The following SCN1A variants were observed in gnomAD, a reference collection of about 807,000 sequenced individuals.
SCN1A encodes sodium voltage-gated channel alpha subunit 1.
In SCN1A, 13 loss-of-function variants were observed where a neutral mutation model predicts 193.7. The observed-to-expected ratio is 0.07, with a 90% CI of 0.04 to 0.11. The LOEUF is 0.11. Ranked by LOEUF, SCN1A falls within the 10% of genes least tolerant of loss-of-function variation. The pLI, the probability that SCN1A is intolerant of heterozygous loss-of-function variation, is 1.00. For synonymous variants in SCN1A, 781 were observed against 843.6 expected (o/e 0.93, Z 1.29); for missense variants, 1,432 against 2,451.1 (o/e 0.58, Z 8.78).
intron 1 of SCN1A, among the ~76,000 whole-genome samples, chr2:166,148,320 G>A (rs1298231951): frequency 1.3e-5 from 2 of 152,128 alleles, no homozygotes; most frequent in East Asian, 1.9e-4. Context: ...ATTCAATAAA[G>A]AGCCTGCTAT....
intron 2 of SCN1A, among the ~76,000 whole-genome samples, chr2:166,112,572 T>G (rs596139): frequency 6.6e-6 from 1 of 152,138 alleles, no homozygotes. Context: ...TGGTCTTAGT[T>G]CTTGCTGCCT....
chr2:166,106,680 C>G (rs1168718088), intron 2 of SCN1A, among the ~76,000 whole-genome samples: 1 of 152,116 alleles, frequency 6.6e-6, no homozygotes, highest in Admixed American at 6.5e-5. Context: ...CAACAGACTG[C>G]CCCATCTGGG....
intron 19 of SCN1A, among the ~76,000 whole-genome samples, chr2:166,018,406 T>C (rs1398655501): frequency 6.6e-6 from 1 of 152,054 alleles, no homozygotes; most frequent in Non-Finnish European, 1.5e-5. Flanking sequence ...ATGTTACTTT[T>C]TGACACATTT....
Position 166,145,535 on chromosome 2 carries a change from T to TGC in SCN1A, c.-50+3511_-50+3512insGC, listed in dbSNP as rs1381289241. The stretch of plus-strand genomic sequence containing the variant: ...TAACTGTTGGAGAAAAATTTGTGTG[T>TGC]GTGTGTGTGTGTAGGCGCACATGCA... On this transcript the variant is annotated intron_variant, in intron 1 of 26. Transcript: ENST00000635750. Among the ~76,000 whole-genome samples, 4 of 151,584 alleles carry TGC rather than the reference T, an allele frequency of 2.6e-5. No homozygotes were observed. The East Asian group carries it at 7.8e-4, about 29-fold the overall frequency.
chr2:165,992,116 A>G lies in SCN1A; in HGVS notation c.5159T>C (p.Ile1720Thr). The part of the protein sequence containing the change: ...FGNSMICLFQ[I>T]TTSAGWDGLL... ...TCCATCCCAGCCAGCAGAGGTTGTA[A>G]TTTGGAATAGGCAGATCATGCTGTT... is the stretch of plus-strand genomic sequence containing the variant. The change falls in exon 29 of 29, where the codon ATT (isoleucine) becomes ACT (threonine). Residue 1720 changes from isoleucine to threonine, a missense_variant. Ile to Thr is a moderately conservative substitution (Grantham distance 89, BLOSUM62 -1). This residue lies in a region of SCN1A where 85 missense variants were observed against 213.2 expected (regional missense o/e 0.40). Coordinates refer to ENST00000674923, the MANE Select transcript of SCN1A (RefSeq NM_001165963.4). This position sits in a 1 kb window ranked among gnomAD's most constrained non-coding sequence, Gnocchi z 6.5. 6.2e-7 allele frequency: 1 copy of G among 1,613,910 alleles called. No individual in the cohort carries two copies. The highest frequency in any genetic ancestry group is 8.5e-7 in the Non-Finnish European group (1 of 1,179,922).
At chr2:166,056,127 T>C (rs1461963084) in intron 6 of SCN1A, among the ~76,000 whole-genome samples, 1 of 152,042 alleles carries the variant, frequency 6.6e-6, no homozygotes, top group African/African-American at 2.4e-5. Flanking sequence ...TTTCTGCAAT[T>C]GCTTTGACCA....
intron 2 of SCN1A, among the ~76,000 whole-genome samples, chr2:166,092,883 C>T (rs575894797): frequency 1.3e-5 from 2 of 152,060 alleles, no homozygotes; most frequent in African/African-American, 4.8e-5. Flanking sequence ...TAGGTGCCAA[C>T]TCAGCCCTCA....
At position 165,992,447 on chromosome 2, in the gene SCN1A, A is replaced by T. The variant is rs750419784; in HGVS notation, c.4853-25T>A. The T allele has an allele frequency of 8.7e-6, 14 of 1,612,004 alleles. No individual in the cohort carries two copies. In the East Asian group the frequency reaches 3.1e-4, roughly 36 times the overall value. On this transcript the variant is annotated intron_variant, in intron 28 of 28. Transcript: ENST00000674923. The surrounding 1 kb of genome is among the most constrained non-coding windows in gnomAD (Gnocchi z 6.5). ...CCTATGAATAAACAATGAGAATACCAACCAGTGAAGAAATCATGCGTTAAA... is the reference window on the plus strand; with the variant it reads ...CCTATGAATAAACAATGAGAATACCTACCAGTGAAGAAATCATGCGTTAAA...
intron 23 of SCN1A, chr2:166,009,456 A>T: frequency 7.9e-6 from 2 of 251,988 alleles, no homozygotes; most frequent in Non-Finnish European, 7.8e-6. Flanking sequence ...TTGTATATAG[A>T]TTTGTAAGGA....
At chr2:166,008,277 C>A (rs1297837874) in intron 23 of SCN1A, among the ~76,000 whole-genome samples, 2 of 150,998 alleles carry the variant, frequency 1.3e-5, no homozygotes, top group Admixed American at 6.6e-5. Flanking sequence ...AGCACTTGAC[C>A]AATGAATTTA....
chr2:166,026,204 T>G (rs1265561832), intron 19 of SCN1A, among the ~76,000 whole-genome samples: 1 of 152,168 alleles, frequency 6.6e-6, no homozygotes, highest in East Asian at 1.9e-4. Context: ...TTGCTATTAA[T>G]ATTATCCAAA....
At chr2:166,019,315 T>A (rs1693710399) in intron 19 of SCN1A, among the ~76,000 whole-genome samples, 1 of 152,208 alleles carries the variant, frequency 6.6e-6, no homozygotes, top group South Asian at 2.1e-4. Context: ...TCTACATGTT[T>A]ACAAATTAAT....
At chr2:166,116,377 C>A (rs989875516) in intron 2 of SCN1A, among the ~76,000 whole-genome samples, 3 of 152,158 alleles carry the variant, frequency 2.0e-5, no homozygotes, top group Non-Finnish European at 4.4e-5. Context: ...AATTTTTACT[C>A]ACTTTATACA....
chr2:165,999,841 AT>A (rs1690594308), intron 24 of SCN1A, 65 bp from the exon 25 acceptor site: 1 of 1,104,274 alleles, frequency 9.1e-7, no homozygotes, highest in Admixed American at 1.7e-5. Context: ...TGTTTAATAA[AT>A]ATTCTTACTG....
chr2:166,022,389 G>C (rs1049915338), intron 19 of SCN1A, among the ~76,000 whole-genome samples: 8 of 149,426 alleles, frequency 5.4e-5, no homozygotes, highest in Non-Finnish European at 1.2e-4. Flanking sequence ...GTAACTAGGT[G>C]GGGGGCGGGG....
intron 22 of SCN1A, 103 bp from the exon 23 acceptor site, chr2:166,009,944 G>A: frequency 3.6e-6 from 4 of 1,107,716 alleles, no homozygotes; most frequent in African/African-American, 1.6e-5. Flanking sequence ...ATTATTCAGA[G>A]GATAAATGTT....
intron 23 of SCN1A, among the ~76,000 whole-genome samples, chr2:166,003,553 T>C (rs1691238806): frequency 6.6e-6 from 1 of 151,422 alleles, no homozygotes; most frequent in African/African-American, 2.4e-5. Flanking sequence ...AAGGATGTTT[T>C]CCCCCTCTTT....
chr2:166,123,223 CAAAAAA>C (rs57488795), intron 2 of SCN1A, among the ~76,000 whole-genome samples: 1 of 116,416 alleles, frequency 8.6e-6, no homozygotes, highest in African/African-American at 3.5e-5. Context: ...CATTCATTTG[CAAAAAA>C]AAAAAAAAAA....
Position 165,992,345 on chromosome 2 carries a change from C to A in SCN1A, c.4930G>T (p.Gly1644Cys), listed in dbSNP as rs1559105762. The change falls in exon 29 of 29, where the codon GGC becomes TGC. Residue 1644 changes from glycine to cysteine, a missense_variant. Physicochemically the swap from Gly to Cys is radical, Grantham distance 159. Coordinates refer to ENST00000674923, the MANE Select transcript of SCN1A (RefSeq NM_001165963.4). This position sits in a 1 kb window ranked among gnomAD's most constrained non-coding sequence, Gnocchi z 6.5. ...LFRVIRLARI[G>C]RILRLIKGAK... ...CCTTTGATCAGACGTAGGATTCGGC[C>A]AATCCTAGCAAGACGGATCACTCGG... 6.2e-7 allele frequency: 1 copy of A among 1,613,678 alleles called. No homozygotes were observed. The highest frequency in any genetic ancestry group is 8.5e-7 in the Non-Finnish European group (1 of 1,179,814).
Sources: allele counts gnomAD v4.1 joint callset (sites outside exome capture counted in the v4.1 genomes callset), GRCh38; gene constraint gnomAD v4.1.1; regional missense constraint gnomAD v4.1.1; non-coding constraint Gnocchi (gnomAD v3.1); transcripts MANE v1.5; gene names NCBI Gene and HGNC (gene_info 2026-07-23, HGNC 2026-07-21).